Variants in REV1 observed in about 807,000 individuals in gnomAD.
The protein encoded by REV1 is translesion synthesis protein REV1.
In REV1, 42 loss-of-function variants were observed where a neutral mutation model predicts 137.4. The ratio of observed to expected loss-of-function variants is 0.31; its 90% CI spans 0.24 to 0.40. REV1 has a LOEUF of 0.40. Among genes scored for constraint, REV1 ranks in the 10% least tolerant of loss-of-function variants. REV1 has a pLI of 1.00. For synonymous variants in REV1, 524 were observed against 519.2 expected, an observed-to-expected ratio of 1.01 and a Z score of -0.12; for missense variants, 1,282 against 1,490.1, an observed-to-expected ratio of 0.86 and a Z score of 2.30.
rs1675267508 is a variant in REV1, at chr2:99,400,755, T to A, written c.*486A>T. The A allele has an allele frequency of 6.6e-6, 1 of 152,666 alleles. No individual in the cohort carries two copies. The highest frequency in any genetic ancestry group is 1.5e-5 in the Non-Finnish European group (1 of 68,186). The allele number at this position is 152,666 out of a possible 1,614,324, so 9.5% of individuals were successfully genotyped here. ...TCTTAACATGCTCCTGTGTTCATGC[T>A]TGGAGACAAGAATAAGATGGTTTAG... On this transcript the variant is annotated 3_prime_UTR_variant, in exon 23 of 23. Transcript: ENST00000258428.
At chr2:99,436,851 G>A (rs1218865608) in intron 6 of REV1, 1 of 152,088 alleles carries the variant, frequency 6.6e-6, no homozygotes, top group Admixed American at 6.5e-5. Flanking sequence ...TTTTTCTCAG[G>A]CTTAAAAATA....
Position 99,404,600 on chromosome 2 carries a change from T to C in REV1, c.2889A>G (p.Ala963=). 1 of 1,614,132 alleles carries C rather than the reference T, an allele frequency of 6.2e-7. No homozygotes were observed. Among genetic ancestry groups the C allele is most frequent in the Non-Finnish European group, 8.5e-7 (1 of 1,180,006 alleles). The change falls in exon 18 of 23, where the codon GCA becomes GCG. Residue 963 remains alanine (A), a synonymous_variant. Coordinates refer to ENST00000258428, the MANE Select transcript of REV1 (RefSeq NM_016316.4). ...QVEQVCAVQQ[A]ESHGDKKKEP... Reference sequence around the variant, plus strand: ...CTTTCTTTTTGTCGCCATGTGACTCTGCTTGCTGGACAGCACAGACTTGCT... The same window carrying C: ...CTTTCTTTTTGTCGCCATGTGACTCCGCTTGCTGGACAGCACAGACTTGCT...
intron 4 of REV1, among the ~76,000 whole-genome samples, chr2:99,443,549 T>A (rs1466164105): frequency 6.6e-6 from 1 of 152,188 alleles, no homozygotes; most frequent in East Asian, 1.9e-4. Context: ...AAAACGGAAC[T>A]ATATATGATA....
At chr2:99,417,779 A>T (rs1333531863) in intron 12 of REV1, among the ~76,000 whole-genome samples, 1 of 152,236 alleles carries the variant, frequency 6.6e-6, no homozygotes, top group Non-Finnish European at 1.5e-5. Flanking sequence ...CTAGTGTAAT[A>T]AACTTAAAAC....
intron 3 of REV1, among the ~76,000 whole-genome samples, chr2:99,458,793 T>C (rs1391452647): frequency 6.6e-6 from 1 of 152,262 alleles, no homozygotes; most frequent in Non-Finnish European, 1.5e-5. Flanking sequence ...ATGTTTTATT[T>C]ATATAACATT....
intron 2 of REV1, among the ~76,000 whole-genome samples, chr2:99,463,961 C>T (rs1486396790): frequency 6.6e-6 from 1 of 152,094 alleles, no homozygotes; most frequent in Non-Finnish European, 1.5e-5. Context: ...CTATCTCCCA[C>T]ATACAGAGGG....
intron 10 of REV1, among the ~76,000 whole-genome samples, chr2:99,423,361 C>A (rs983001462): frequency 1.3e-5 from 2 of 152,170 alleles, no homozygotes; most frequent in African/African-American, 2.4e-5. Flanking sequence ...GGCCTAACAT[C>A]CAGTAAATGC....
At chr2:99,488,746 G>C (rs529201266) in intron 1 of REV1, among the ~76,000 whole-genome samples, 1 of 152,156 alleles carries the variant, frequency 6.6e-6, no homozygotes, top group African/African-American at 2.4e-5. Context: ...TCCATAGAAA[G>C]AACCAAGGTT....
chr2:99,474,118 CTTTAATT>C (rs1685714049), intron 1 of REV1, among the ~76,000 whole-genome samples: 1 of 152,110 alleles, frequency 6.6e-6, no homozygotes, highest in African/African-American at 2.4e-5. Context: ...TTTAGTGTTC[CTTTAATT>C]TTTAACATTC....
intron 1 of REV1, among the ~76,000 whole-genome samples, chr2:99,481,998 T>C (rs148578457): frequency 2.0e-5 from 3 of 152,316 alleles, no homozygotes; most frequent in Admixed American, 6.5e-5. Flanking sequence ...TGAGTTTCTA[T>C]TAACAGGGTG....
chr2:99,421,725 G>A, intron 10 of REV1, 72 bp from the exon 11 acceptor site: 1 of 1,467,308 alleles, frequency 6.8e-7, no homozygotes, highest in South Asian at 1.3e-5. Flanking sequence ...TTGCAAAATA[G>A]TCTTCTTATC....
At chr2:99,403,886 A>G (rs759788711) in intron 18 of REV1, 71 bp from the exon 19 acceptor site, 5 of 1,553,698 alleles carry the variant, frequency 3.2e-6, no homozygotes, top group African/African-American at 1.4e-5. Context: ...TCTTTTTCAC[A>G]AAACAGACTT....
chr2:99,481,059 A>G (rs1004027674), intron 1 of REV1, among the ~76,000 whole-genome samples: 5 of 152,234 alleles, frequency 3.3e-5, no homozygotes, highest in Admixed American at 3.3e-4. Context: ...AGTAAACTTG[A>G]AGTGTTAGTA....
chr2:99,418,329 T>C (rs937885572), intron 12 of REV1, among the ~76,000 whole-genome samples: 19 of 152,188 alleles, frequency 1.2e-4, no homozygotes, highest in Non-Finnish European at 2.5e-4. Context: ...GTGGAGTTAA[T>C]TGAAAACACA....
At chr2:99,416,057 GTTTA>G (rs1164177163) in intron 12 of REV1, among the ~76,000 whole-genome samples, 1 of 152,208 alleles carries the variant, frequency 6.6e-6, no homozygotes, top group East Asian at 1.9e-4. Context: ...TATTCTAATT[GTTTA>G]TTACTGTGCG....
At chr2:99,428,609 A>T (rs28382914) in intron 9 of REV1, among the ~76,000 whole-genome samples, 1,676 of 151,004 alleles carry the variant, frequency 0.011, 9 homozygotes, top group Middle Eastern at 0.024. Context: ...TAGCAAATTT[A>T]AAAAAAACTA....
intron 12 of REV1, among the ~76,000 whole-genome samples, chr2:99,417,424 G>A (rs972385220): frequency 2.6e-5 from 4 of 152,162 alleles, no homozygotes; most frequent in African/African-American, 9.7e-5. Flanking sequence ...GATTACAGGT[G>A]TGAGTCACCA....
chr2:99,415,527 T>G (rs1219063591), intron 12 of REV1, among the ~76,000 whole-genome samples: 4 of 152,248 alleles, frequency 2.6e-5, no homozygotes, highest in Non-Finnish European at 5.9e-5. Context: ...GCTGTTCAAC[T>G]GAACTTTCTG....
intron 1 of REV1, among the ~76,000 whole-genome samples, chr2:99,489,199 C>T (rs1687417964): frequency 6.6e-6 from 1 of 152,142 alleles, no homozygotes; most frequent in Non-Finnish European, 1.5e-5. Flanking sequence ...AGCGAACGGA[C>T]AAGCAGCAAG....
Sources: allele counts gnomAD v4.1 joint callset (sites outside exome capture counted in the v4.1 genomes callset), GRCh38; gene constraint gnomAD v4.1.1; transcripts MANE v1.5; gene names NCBI Gene and HGNC (gene_info 2026-07-23, HGNC 2026-07-21).